Variants in TRIP12 observed in about 807,000 individuals in gnomAD.
TRIP12 encodes the protein thyroid hormone receptor interactor 12, also known as E3 ubiquitin-protein ligase TRIP12.
A neutral mutation model predicts 244.2 loss-of-function variants in TRIP12; 25 were observed. The ratio of observed to expected loss-of-function variants is 0.10; its 90% CI spans 0.07 to 0.14. TRIP12 has a LOEUF of 0.14. Among genes scored for constraint, TRIP12 ranks in the 10% least tolerant of loss-of-function variants. The probability of loss-of-function intolerance (pLI) is 1.00; values close to 1 mark genes in which losing one functional copy is unlikely to be tolerated. For synonymous variants in TRIP12, 905 were observed against 873.1 expected (o/e 1.04, Z -0.64); for missense variants, 1,677 against 2,486.4 (o/e 0.67, Z 6.92).
At chr2:229,922,677 A>G, upstream of TRIP12, 1 of 1,510,818 alleles carries the variant, frequency 6.6e-7, no homozygotes, top group African/African-American at 1.4e-5. Context: ...CCCGGGACGC[A>G]GGCTGTGCTA....
At chr2:229,886,455 G>A (rs776167714) in intron 1 of TRIP12, among the ~76,000 whole-genome samples, 25 of 151,344 alleles carry the variant, frequency 1.7e-4, no homozygotes, top group Non-Finnish European at 3.4e-4. Context: ...TATACAACAT[G>A]TAAAAATAGC....
chr2:229,768,058 G>A (rs1035090712), intron 41 of TRIP12, among the ~76,000 whole-genome samples: 1 of 152,178 alleles, frequency 6.6e-6, no homozygotes, highest in Non-Finnish European at 1.5e-5. Context: ...GAGAGTTTCA[G>A]ACCAGCCTGG....
chr2:229,823,632 C>T (rs796325645), intron 8 of TRIP12, among the ~76,000 whole-genome samples: 9 of 151,198 alleles, frequency 6.0e-5, no homozygotes, highest in African/African-American at 2.2e-4. Context: ...GCTGAGATCG[C>T]GCCACTGCAC....
At chr2:229,771,657 A>C in intron 38 of TRIP12, 25 bp from the exon 39 acceptor site, 1 of 1,562,396 alleles carries the variant, frequency 6.4e-7, no homozygotes, top group Non-Finnish European at 8.8e-7. Context: ...TTTTCAAAAA[A>C]CTGTGACAAG....
intron 34 of TRIP12, among the ~76,000 whole-genome samples, chr2:229,780,343 C>A (rs374061668): frequency 7.2e-5 from 11 of 152,356 alleles, no homozygotes; most frequent in African/African-American, 2.4e-4. Context: ...CTTTACCCAG[C>A]TGCCATTCTC....
At chr2:229,918,430 T>A (rs2075908319) in intron 1 of TRIP12, among the ~76,000 whole-genome samples, 1 of 152,188 alleles carries the variant, frequency 6.6e-6, no homozygotes. Flanking sequence ...GGGGGAAAGT[T>A]CCCTAGGTTC....
intron 8 of TRIP12, 142 bp from the exon 9 acceptor site, chr2:229,818,654 C>T (rs1160472834): frequency 1.9e-5 from 13 of 700,880 alleles, no homozygotes; most frequent in Non-Finnish European, 2.3e-5. Flanking sequence ...TTAAGGCTCA[C>T]TGCTAATACA....
At chr2:229,869,559 GCTGGGTTGCTTT>G (rs1274789967) in intron 2 of TRIP12, among the ~76,000 whole-genome samples, 1 of 152,086 alleles carries the variant, frequency 6.6e-6, no homozygotes, top group African/African-American at 2.4e-5. Flanking sequence ...CCCCTACCGA[GCTGGGTTGCTTT>G]CTGGGTTCTT....
intron 2 of TRIP12, among the ~76,000 whole-genome samples, 152 bp from the exon 3 acceptor site, chr2:229,860,683 A>C (rs1229949545): frequency 6.6e-6 from 1 of 152,148 alleles, no homozygotes; most frequent in Non-Finnish European, 1.5e-5. Flanking sequence ...TTTAATTATT[A>C]TTCTACTAAA....
intron 1 of TRIP12, among the ~76,000 whole-genome samples, chr2:229,889,549 T>C (rs1226741808): frequency 6.6e-6 from 1 of 152,186 alleles, no homozygotes; most frequent in African/African-American, 2.4e-5. Flanking sequence ...TACAATCCTG[T>C]TGGCTACCAT....
At chr2:229,850,006 T>C (rs530588816) in intron 4 of TRIP12, among the ~76,000 whole-genome samples, 1 of 151,788 alleles carries the variant, frequency 6.6e-6, no homozygotes, top group East Asian at 1.9e-4. Flanking sequence ...TCTTTGTATA[T>C]TTTGGTACTT....
At chr2:229,879,741 C>T (rs533362024) in intron 2 of TRIP12, among the ~76,000 whole-genome samples, 1 of 152,332 alleles carries the variant, frequency 6.6e-6, no homozygotes, top group African/African-American at 2.4e-5. Flanking sequence ...TGACACACCA[C>T]ATGCTAAATG....
intron 11 of TRIP12, 32 bp downstream of exon 11, chr2:229,815,067 C>T (rs772047173): frequency 6.4e-7 from 1 of 1,557,410 alleles, no homozygotes; most frequent in South Asian, 1.2e-5. Context: ...CCTATGCCTG[C>T]TTTTGAACAA....
rs1287684828 is a variant in TRIP12, at chr2:229,793,077, T to C, written c.4037A>G (p.Gln1346Arg). 6.2e-7 allele frequency: 1 copy of C among 1,613,974 alleles called. No individual in the cohort carries two copies. Among genetic ancestry groups the C allele is most frequent in the South Asian group, 1.1e-5 (1 of 91,070 alleles). Residue 1346 changes from glutamine to arginine, a missense_variant, in exon 27 of 42, where the codon CAA becomes CGA. This residue lies in a region of TRIP12 where 265 missense variants were observed against 370.8 expected (regional missense o/e 0.71). Transcript: ENST00000675903. ...FNTHQLKCQL[Q>R]RHPDCANVKQ... ...CACATTTGCACAGTCTGGATGCCTT[T>C]GTAACTGGCATTTTAATTGATGTGT...
At chr2:229,845,329 T>C (rs2057353052) in intron 4 of TRIP12, among the ~76,000 whole-genome samples, 1 of 152,200 alleles carries the variant, frequency 6.6e-6, no homozygotes, top group South Asian at 2.1e-4. Context: ...ATTTTTAGTC[T>C]AGAGCAGGTG....
chr2:229,775,720 A>G lies in TRIP12; in HGVS notation c.5530-1459T>C, dbSNP rs536699720. Among the ~76,000 whole-genome samples, 11 of 151,568 alleles carry G rather than the reference A, an allele frequency of 7.3e-5. No homozygotes were observed. The East Asian group carries it at 1.4e-3, about 19-fold the overall frequency. ...CATTGTAAATTCTAGCACATTTTCC[A>G]TATTTCTTTAGAGAATTTAAGCTAC... is the stretch of plus-strand genomic sequence containing the variant. On this transcript the variant is annotated intron_variant, in intron 37 of 41. Transcript: ENST00000675903.
intron 19 of TRIP12, 110 bp from the exon 20 acceptor site, chr2:229,803,799 T>C: frequency 1.1e-6 from 1 of 914,490 alleles, no homozygotes; most frequent in Non-Finnish European, 1.7e-6. Context: ...AACCATTCTA[T>C]TAACATAAAC....
chr2:229,776,758 A>G (rs1418320488), intron 37 of TRIP12, among the ~76,000 whole-genome samples: 8 of 152,210 alleles, frequency 5.3e-5, no homozygotes, highest in Admixed American at 5.2e-4. Flanking sequence ...TATTAATCTC[A>G]GATTGAGTTA....
chr2:229,916,546 ACT>A (rs1043997087), intron 1 of TRIP12, among the ~76,000 whole-genome samples: 4 of 151,988 alleles, frequency 2.6e-5, no homozygotes, highest in South Asian at 2.1e-4. Flanking sequence ...CAAAAGTGAG[ACT>A]CTGTCTCAAC....
Sources: gnomAD v4.1 joint callset for allele counts (sites outside exome capture counted in the v4.1 genomes callset) on GRCh38, gnomAD v4.1.1 for gene constraint, gnomAD v4.1.1 regional missense constraint, MANE v1.5 for transcripts, NCBI Gene and HGNC (gene_info 2026-07-23, HGNC 2026-07-21) for gene names.